The following RXRG variants were observed in gnomAD, a reference collection of about 807,000 sequenced individuals.
RXRG encodes the protein retinoid X receptor gamma.
Under a neutral mutation model 49.2 loss-of-function variants are expected in RXRG, and 19 were observed. The observed-to-expected ratio is 0.39, with a 90% CI of 0.27 to 0.57. The LOEUF is 0.57. Ranked by LOEUF, RXRG falls within the 20% of genes least tolerant of loss-of-function variation. The pLI is 0.64. For synonymous variants in RXRG, 224 were observed against 216.6 expected, an observed-to-expected ratio of 1.03 and a Z score of -0.30; for missense variants, 452 against 592.5, an observed-to-expected ratio of 0.76 and a Z score of 2.46.
At chr1:165,435,335 G>A (rs986954256) in intron 1 of RXRG, among the ~76,000 whole-genome samples, 4 of 152,152 alleles carry the variant, frequency 2.6e-5, no homozygotes, top group African/African-American at 9.7e-5. Flanking sequence ...ATAGTCTCAA[G>A]GGCGCTTGGA....
chr1:165,432,758 G>A lies in RXRG; in HGVS notation c.50-3792C>T, dbSNP rs76839501. On this transcript the variant is annotated intron_variant, in intron 1 of 9. Transcript: ENST00000359842. Reference sequence around the variant, plus strand: ...TTCCCTTCAGCACCAGCTGAAAGTAGGCAGGCTCCTGTTTGAAGGATGAGT... The same window carrying A: ...TTCCCTTCAGCACCAGCTGAAAGTAAGCAGGCTCCTGTTTGAAGGATGAGT... Among the ~76,000 whole-genome samples, 98 of 152,304 alleles carry A rather than the reference G, an allele frequency of 6.4e-4. No individual in the cohort carries two copies. In the East Asian group the frequency reaches 0.015, roughly 23 times the overall value.
At chr1:165,429,458 G>C (rs901865522) in intron 1 of RXRG, among the ~76,000 whole-genome samples, 1 of 152,206 alleles carries the variant, frequency 6.6e-6, no homozygotes, top group Admixed American at 6.5e-5. Flanking sequence ...ACATTTATTA[G>C]GGTGCCAGGT....
chr1:165,423,727 A>G (rs747579751), intron 2 of RXRG, among the ~76,000 whole-genome samples: 1 of 152,024 alleles, frequency 6.6e-6, no homozygotes, highest in Non-Finnish European at 1.5e-5. Flanking sequence ...AGGGAGGTTG[A>G]GGCTTCAAGT....
At chr1:165,444,351 T>A (rs183496865) in intron 1 of RXRG, among the ~76,000 whole-genome samples, 182 of 152,290 alleles carry the variant, frequency 1.2e-3, no homozygotes, top group African/African-American at 4.1e-3. Context: ...AAAAATCCAA[T>A]TAAAGGGAAA....
chr1:165,437,141 A>G (rs985870530), intron 1 of RXRG: 2 of 1,367,632 alleles, frequency 1.5e-6, no homozygotes, highest in African/African-American at 3.0e-5. Context: ...GGCTCACAGT[A>G]TCTGTTTTCA....
chr1:165,406,699 A>G, intron 9 of RXRG, 113 bp downstream of exon 9: 1 of 784,064 alleles, frequency 1.3e-6, no homozygotes, highest in Non-Finnish European at 2.1e-6. Context: ...TGTTATGAAG[A>G]TTAAATAACA....
chr1:165,412,307 C>G (rs990917963), intron 4 of RXRG, among the ~76,000 whole-genome samples: 1 of 151,866 alleles, frequency 6.6e-6, no homozygotes, highest in Non-Finnish European at 1.5e-5. Flanking sequence ...AAGAATGGTA[C>G]TGTGTCATTG....
At chr1:165,440,056 A>G (rs1167725966) in intron 1 of RXRG, among the ~76,000 whole-genome samples, 2 of 152,154 alleles carry the variant, frequency 1.3e-5, no homozygotes, top group Non-Finnish European at 2.9e-5. Flanking sequence ...TTCTAGTGAG[A>G]AAGGCCAGGG....
intron 1 of RXRG, chr1:165,437,020 T>G: frequency 8.2e-7 from 1 of 1,219,968 alleles, no homozygotes; most frequent in South Asian, 1.6e-5. Flanking sequence ...GAGTGTTTCT[T>G]CTAGGCTGGT....
chr1:165,437,565 G>C (rs1232698750), intron 1 of RXRG, among the ~76,000 whole-genome samples: 2 of 152,124 alleles, frequency 1.3e-5, no homozygotes, highest in African/African-American at 2.4e-5. Context: ...CAGATAGAGA[G>C]AGCCTATCTG....
At chr1:165,440,968 C>T (rs1271968396) in intron 1 of RXRG, among the ~76,000 whole-genome samples, 2 of 152,206 alleles carry the variant, frequency 1.3e-5, no homozygotes, top group Admixed American at 6.5e-5. Context: ...ACAGTTACTC[C>T]TTTCCACATA....
chr1:165,443,216 C>G (rs1397929106), intron 1 of RXRG, among the ~76,000 whole-genome samples: 1 of 152,178 alleles, frequency 6.6e-6, no homozygotes, highest in Non-Finnish European at 1.5e-5. Context: ...TTTATTCACC[C>G]CAACTGTCTC....
At chr1:165,418,271 TCAGA>T (rs1338725932) in intron 3 of RXRG, among the ~76,000 whole-genome samples, 1 of 152,140 alleles carries the variant, frequency 6.6e-6, no homozygotes, top group Non-Finnish European at 1.5e-5. Flanking sequence ...AAGCCCATCC[TCAGA>T]CAGGCATCAT....
intron 6 of RXRG, 147 bp downstream of exon 6, chr1:165,410,555 G>A (rs1287957225): frequency 1.3e-6 from 1 of 765,044 alleles, no homozygotes; most frequent in Non-Finnish European, 1.9e-6. Context: ...TGCTTCCTTT[G>A]GGAATGAACA....
At chr1:165,406,207 CCTCAGAGATCTGCT>C in intron 9 of RXRG, among the ~76,000 whole-genome samples, 1 of 119,352 alleles carries the variant, frequency 8.4e-6, no homozygotes, top group East Asian at 2.4e-4. Context: ...TGCTAGATGG[CCTCAGAGATCTGCT>C]AGACCAACAT....
intron 9 of RXRG, among the ~76,000 whole-genome samples, chr1:165,405,543 C>A (rs1657716878): frequency 6.6e-6 from 1 of 152,244 alleles, no homozygotes; most frequent in African/African-American, 2.4e-5. Flanking sequence ...AGGTCTGGCC[C>A]ATATGGCCTA....
At chr1:165,427,032 G>A (rs1013833598) in intron 2 of RXRG, among the ~76,000 whole-genome samples, 2 of 152,212 alleles carry the variant, frequency 1.3e-5, no homozygotes, top group Non-Finnish European at 2.9e-5. Flanking sequence ...CTAATTGGAT[G>A]ATGCCCACTC....
chr1:165,418,426 T>C (rs1658203502), intron 3 of RXRG, among the ~76,000 whole-genome samples: 3 of 152,234 alleles, frequency 2.0e-5, no homozygotes, highest in Admixed American at 2.0e-4. Flanking sequence ...TTGAATGTAA[T>C]ATGTGATGTC....
At chr1:165,404,406 C>T (rs547550946) in intron 9 of RXRG, among the ~76,000 whole-genome samples, 1 of 152,322 alleles carries the variant, frequency 6.6e-6, no homozygotes, top group Admixed American at 6.5e-5. Flanking sequence ...CATATTCTGG[C>T]AGAAGAGTCA....
Sources: allele counts gnomAD v4.1 joint callset (sites outside exome capture counted in the v4.1 genomes callset), GRCh38; gene constraint gnomAD v4.1.1; transcripts MANE v1.5; gene names NCBI Gene and HGNC (gene_info 2026-07-23, HGNC 2026-07-21).